FHL5: variants seen among roughly 807,000 people sequenced by gnomAD.
FHL5 encodes the protein four and a half LIM domains protein 5.
In FHL5, 33 loss-of-function variants were observed where a neutral mutation model predicts 32.0. The ratio of observed to expected loss-of-function variants is 1.03; its 90% CI spans 0.78 to 1.38. The LOEUF (loss-of-function observed/expected upper bound fraction) is 1.38. FHL5 is among the 40% of genes most tolerant of loss of function. The pLI, the probability that FHL5 is intolerant of heterozygous loss-of-function variation, is 0.00. For synonymous variants in FHL5, 114 were observed against 113.6 expected (o/e 1.00, Z -0.02); for missense variants, 336 against 343.9 (o/e 0.98, Z 0.18).
chr6:96,603,574 T>C (rs1305229138), intron 1 of FHL5, 28 bp from the exon 2 acceptor site: 6 of 1,558,708 alleles, frequency 3.8e-6, no homozygotes, highest in African/African-American at 2.7e-5. Context: ...TCTGCTTTTA[T>C]ATACATTAAT....
intron 1 of FHL5, among the ~76,000 whole-genome samples, chr6:96,594,731 C>A (rs1771000429): frequency 1.3e-5 from 2 of 151,818 alleles, no homozygotes; most frequent in Admixed American, 1.3e-4. Context: ...TTCTAGTTTT[C>A]TTTTTCCTAC....
chr6:96,590,192 C>T lies in FHL5; in HGVS notation c.-12-13410C>T, dbSNP rs113174002. On this transcript the variant is annotated intron_variant, in intron 1 of 5. Coordinates refer to ENST00000450218, the MANE Select transcript of FHL5 (RefSeq NM_001322466.2). ...TGGAATTAGCTTGTAAAAAAATAAC[C>T]TGATGGAATTTTATTTTGCATCTAT... Among the ~76,000 whole-genome samples, 411 of 152,038 alleles carry T rather than the reference C, an allele frequency of 2.7e-3. 1 individual carries two copies. The highest frequency in any genetic ancestry group is 9.1e-3 in the African/African-American group (380 of 41,536).
At chr6:96,575,994 C>A (rs1054474608) in intron 1 of FHL5, among the ~76,000 whole-genome samples, 1 of 152,160 alleles carries the variant, frequency 6.6e-6, no homozygotes, top group African/African-American at 2.4e-5. Flanking sequence ...GGATACCACC[C>A]TCCAGTTCTA....
intron 1 of FHL5, among the ~76,000 whole-genome samples, chr6:96,592,069 G>T (rs368396262): frequency 1.3e-5 from 2 of 151,998 alleles, no homozygotes; most frequent in African/African-American, 4.8e-5. Context: ...ATGAAGTTTC[G>T]GGCACCACTG....
chr6:96,588,715 AAC>A (rs974192236), intron 1 of FHL5, among the ~76,000 whole-genome samples: 39 of 152,144 alleles, frequency 2.6e-4, no homozygotes, highest in African/African-American at 9.4e-4. Flanking sequence ...CTAATGGAAA[AAC>A]AGTCTCCATT....
At chr6:96,573,754 C>A (rs1466509402) in intron 1 of FHL5, among the ~76,000 whole-genome samples, 1 of 151,844 alleles carries the variant, frequency 6.6e-6, no homozygotes, top group African/African-American at 2.4e-5. Flanking sequence ...ATCTCCTGAC[C>A]TCATGATCCG....
chr6:96,590,661 T>C (rs767201525), intron 1 of FHL5, among the ~76,000 whole-genome samples: 1 of 152,112 alleles, frequency 6.6e-6, no homozygotes, highest in Non-Finnish European at 1.5e-5. Flanking sequence ...TTGTGGGTAT[T>C]CTTTTCCTAT....
rs375384475 is a variant in FHL5 at position 96,602,927 on chromosome 6, A to G, written c.-12-675A>G. 1.6e-3 allele frequency among the ~76,000 whole-genome samples: 239 copies of G among 152,262 alleles called. 7 individuals are homozygous for G. The South Asian group carries it at 0.048, about 31-fold the overall frequency. On this transcript the variant is annotated intron_variant, in intron 1 of 5. Coordinates refer to ENST00000450218, the MANE Select transcript of FHL5 (RefSeq NM_001322466.2). ...AGAATCCTACCTGCTGAGGAGTTTT[A>G]TTTGGCCAGTTTGGTAAAGGACATT... is the stretch of plus-strand genomic sequence containing the variant.
In FHL5 at chr6:96,610,738, C is replaced by A. The variant is rs143652914; in HGVS notation, c.671C>A (p.Ala224Asp). 4 of 1,612,876 alleles carry A rather than the reference C, an allele frequency of 2.5e-6. No individual in the cohort carries two copies. The highest frequency in any genetic ancestry group is 2.7e-5 in the African/African-American group (2 of 74,908). Reference sequence around the variant, plus strand: ...CATCTTTATGCCAACAAGTGTGTAGCCTGTTCCAAACCCATTAGTGGTGAG... The same window carrying A: ...CATCTTTATGCCAACAAGTGTGTAGACTGTTCCAAACCCATTAGTGGTGAG... The part of the protein sequence containing the change: ...YNHLYANKCV[A>D]CSKPISGLTG... Residue 224 changes from alanine (A) to aspartate (D), a missense_variant, in exon 5 of 6, where the codon GCC becomes GAC. Physicochemically the swap from Ala to Asp is moderately radical, Grantham distance 126. Coordinates refer to ENST00000450218, the MANE Select transcript of FHL5 (RefSeq NM_001322466.2).
In FHL5 at chr6:96,565,368, G is replaced by A. The variant is rs147690877; in HGVS notation, c.-13+2013G>A. ...TTCATACTGAGTTTTCTATGAATGA[G>A]GGCAAGTGAGTTTGCCTCCCTACCT... On this transcript the variant is annotated intron_variant, in intron 1 of 5. Transcript: ENST00000450218. Among the ~76,000 whole-genome samples the A allele has an allele frequency of 3.2e-3, 490 of 152,212 alleles. 1 individual carries two copies. The highest frequency in any genetic ancestry group is 0.011 in the African/African-American group (468 of 41,530).
At chr6:96,611,380 G>C (rs575373523) in intron 5 of FHL5, among the ~76,000 whole-genome samples, 1 of 152,174 alleles carries the variant, frequency 6.6e-6, no homozygotes, top group African/African-American at 2.4e-5. Flanking sequence ...AAAAAAATGT[G>C]ACATGATTTG....
At chr6:96,573,452 G>C (rs934907684) in intron 1 of FHL5, among the ~76,000 whole-genome samples, 2 of 150,504 alleles carry the variant, frequency 1.3e-5, no homozygotes, top group African/African-American at 4.9e-5. Context: ...ATGATTTCTA[G>C]TCTTGTAATT....
chr6:96,614,355 C>T (rs561283616), intron 5 of FHL5, among the ~76,000 whole-genome samples: 1 of 152,174 alleles, frequency 6.6e-6, no homozygotes, highest in South Asian at 2.1e-4. Flanking sequence ...AATTAATTTA[C>T]ATTTATTAGG....
intron 1 of FHL5, among the ~76,000 whole-genome samples, chr6:96,594,271 A>ATATATG (rs1554176523): frequency 1.4e-5 from 1 of 72,942 alleles, no homozygotes; most frequent in East Asian, 2.9e-4. Context: ...ATATATATAT[A>ATATATG]TATGTATGTA....
intron 1 of FHL5, among the ~76,000 whole-genome samples, chr6:96,594,224 AATTTATATATATATATATAT>A (rs1562059522): frequency 2.9e-5 from 3 of 102,716 alleles, no homozygotes; most frequent in African/African-American, 1.2e-4. Flanking sequence ...TAAATATTAG[AATTTATATATATATATATAT>A]ATATATATAT....
intron 1 of FHL5, among the ~76,000 whole-genome samples, chr6:96,599,470 C>G (rs111270500): frequency 1.3e-5 from 2 of 152,100 alleles, no homozygotes; most frequent in Non-Finnish European, 2.9e-5. Context: ...GCTGGGATTA[C>G]GGGCGTGAGC....
intron 1 of FHL5, among the ~76,000 whole-genome samples, chr6:96,573,614 C>G (rs186053916): frequency 3.9e-4 from 58 of 150,058 alleles, no homozygotes; most frequent in Non-Finnish European, 8.6e-4. Flanking sequence ...CTCCACCTCC[C>G]GGGTTCACGC....
intron 5 of FHL5, among the ~76,000 whole-genome samples, chr6:96,612,467 GC>G (rs1771431067): frequency 1.3e-5 from 2 of 152,246 alleles, no homozygotes; most frequent in African/African-American, 4.8e-5. Flanking sequence ...TCTGCAAAAA[GC>G]CTACACAAGC....
At chr6:96,608,235 C>T (rs1276933561) in intron 4 of FHL5, among the ~76,000 whole-genome samples, 1 of 152,140 alleles carries the variant, frequency 6.6e-6, no homozygotes, top group African/African-American at 2.4e-5. Context: ...TACATCCATG[C>T]TGAGCACTGT....
Sources: gnomAD v4.1 joint callset for allele counts (sites outside exome capture counted in the v4.1 genomes callset) on GRCh38, gnomAD v4.1.1 for gene constraint, MANE v1.5 for transcripts, NCBI Gene and HGNC (gene_info 2026-07-23, HGNC 2026-07-21) for gene names.